TTC6: variants seen among roughly 807,000 people sequenced by gnomAD.
TTC6 encodes the protein tetratricopeptide repeat domain 6.
Under a neutral mutation model 210.4 loss-of-function variants are expected in TTC6, and 172 were observed. The observed-to-expected ratio is 0.82, with a 90% CI of 0.72 to 0.93. The LOEUF (loss-of-function observed/expected upper bound fraction) is 0.93. Ranked by LOEUF, TTC6 falls within the 40% of genes least tolerant of loss-of-function variation. The pLI, the probability that TTC6 is intolerant of heterozygous loss-of-function variation, is 0.00. For synonymous variants in TTC6, 804 were observed against 819.6 expected (o/e 0.98, Z 0.32); for missense variants, 2,414 against 2,318.1 (o/e 1.04, Z -0.85).
intron 14 of TTC6, among the ~76,000 whole-genome samples, chr14:37,774,289 G>C (rs1292904036): frequency 6.6e-6 from 1 of 151,872 alleles, no homozygotes; most frequent in African/African-American, 2.4e-5. Context: ...AGGACTTCCA[G>C]TACTATGGTC....
At chr14:37,734,435 A>G (rs543061617) in intron 7 of TTC6, among the ~76,000 whole-genome samples, 8 of 152,338 alleles carry the variant, frequency 5.3e-5, no homozygotes, top group East Asian at 1.9e-4. Context: ...AGAACAAAGC[A>G]TCTTTGAATA....
chr14:37,807,393 C>T (rs1276546479), exon 23 of TTC6: 4 of 1,530,134 alleles, frequency 2.6e-6, no homozygotes, highest in African/African-American at 1.4e-5. Context: ...TGTAACAAGG[C>T]TATTAAAATT....
Position 37,826,194 on chromosome 14 carries a change from G to T in TTC6, c.4975-1G>T. 1 of 1,573,786 alleles carries T rather than the reference G, an allele frequency of 6.4e-7. No individual in the cohort carries two copies. Among genetic ancestry groups the T allele is most frequent in the Non-Finnish European group, 8.6e-7 (1 of 1,156,086 alleles). Reference sequence around the variant, plus strand: ...TTCGTGTAATTGGAAAATTATTTTAGGCCCAAGGAAAATTCCAGAAAGCTT... The same window carrying T: ...TTCGTGTAATTGGAAAATTATTTTATGCCCAAGGAAAATTCCAGAAAGCTT... On this transcript the variant is annotated splice_acceptor_variant, in intron 27 of 30. Coordinates refer to ENST00000553443, the Ensembl canonical transcript of TTC6. LOFTEE classifies it high-confidence loss of function.
chr14:37,738,433 C>T (rs1011900631), intron 9 of TTC6, among the ~76,000 whole-genome samples: 1 of 148,588 alleles, frequency 6.7e-6, no homozygotes, highest in African/African-American at 2.5e-5. Context: ...AGTTTTTTTG[C>T]ATTAAATATA....
intron 2 of TTC6, among the ~76,000 whole-genome samples, chr14:37,614,362 G>A (rs1595010891): frequency 6.6e-6 from 1 of 152,106 alleles, no homozygotes; most frequent in African/African-American, 2.4e-5. Flanking sequence ...CAACCATATA[G>A]TTCCTTTACC....
At chr14:37,667,362 G>A (rs934356562) in intron 1 of TTC6, among the ~76,000 whole-genome samples, 2 of 150,514 alleles carry the variant, frequency 1.3e-5, no homozygotes, top group Non-Finnish European at 3.0e-5. Context: ...GGATGTGAAT[G>A]TCATTGGGGT....
At chr14:37,761,542 T>C (rs61977123) in intron 14 of TTC6, among the ~76,000 whole-genome samples, 41,660 of 151,878 alleles carry the variant, frequency 0.27, 5,893 homozygotes, top group Middle Eastern at 0.33. Flanking sequence ...TGACTTATCA[T>C]AGTGTCAATA....
intron 14 of TTC6, among the ~76,000 whole-genome samples, chr14:37,764,301 T>C (rs1184667125): frequency 6.6e-6 from 1 of 152,184 alleles, no homozygotes; most frequent in African/African-American, 2.4e-5. Flanking sequence ...TAGTTTATAC[T>C]ACTGTTCAAG....
chr14:37,676,646 G>A (rs996172715), intron 1 of TTC6, among the ~76,000 whole-genome samples: 4 of 151,996 alleles, frequency 2.6e-5, no homozygotes, highest in African/African-American at 7.2e-5. Context: ...CAAATCCAAG[G>A]TCATGAAGAT....
intron 14 of TTC6, among the ~76,000 whole-genome samples, chr14:37,763,623 A>G (rs7145526): frequency 0.84 from 127,976 of 152,068 alleles, 54,353 homozygotes; most frequent in Non-Finnish European, 0.9. Context: ...ACATAATACT[A>G]CTTTTTATTT....
intron 1 of TTC6, among the ~76,000 whole-genome samples, chr14:37,633,476 G>A (rs2095674089): frequency 6.6e-6 from 1 of 152,112 alleles, no homozygotes; most frequent in Non-Finnish European, 1.5e-5. Flanking sequence ...CAGTCCCATT[G>A]TGATGAGCTG....
intron 3 of TTC6, among the ~76,000 whole-genome samples, chr14:37,690,565 G>C (rs975390314): frequency 1.3e-5 from 2 of 152,088 alleles, no homozygotes; most frequent in Admixed American, 1.3e-4. Flanking sequence ...AACCAGAAAA[G>C]AGCAGGAATC....
At position 37,740,037 on chromosome 14, in the gene TTC6, A is replaced by C. The variant is rs540061258; in HGVS notation, c.2363+882A>C. On this transcript the variant is annotated intron_variant, in intron 10 of 30. Coordinates refer to ENST00000553443, the Ensembl canonical transcript of TTC6. ...AAATTACCCAGGCGTGATGGTGGGC[A>C]CCTGTAGTCCCAGCTGTTCGGGAGG... Among the ~76,000 whole-genome samples, 3 of 151,642 alleles carry C rather than the reference A, an allele frequency of 2.0e-5. No homozygotes were observed. The East Asian group carries it at 5.9e-4, about 30-fold the overall frequency.
chr14:37,635,687 T>G (rs1305402787), intron 1 of TTC6, among the ~76,000 whole-genome samples: 2 of 152,052 alleles, frequency 1.3e-5, no homozygotes, highest in Non-Finnish European at 2.9e-5. Context: ...CAAAGAAAAT[T>G]ACCAGAGATG....
chr14:37,710,144 G>A (rs1419919123), intron 5 of TTC6, among the ~76,000 whole-genome samples: 2 of 152,124 alleles, frequency 1.3e-5, no homozygotes, highest in Non-Finnish European at 2.9e-5. Context: ...GTGACTGTGA[G>A]CAACATCCTG....
chr14:37,822,215 T>G (rs2096159554), intron 26 of TTC6, among the ~76,000 whole-genome samples: 1 of 152,234 alleles, frequency 6.6e-6, no homozygotes, highest in East Asian at 1.9e-4. Flanking sequence ...TTTTTCAACT[T>G]ATGGTATTTA....
exon 10 of TTC6, chr14:37,738,966 T>C (rs1161690169): frequency 6.5e-7 from 1 of 1,535,450 alleles, no homozygotes; most frequent in South Asian, 1.2e-5. Flanking sequence ...GATGACATCT[T>C]TGATAACATG....
rs951428491 is a variant in TTC6 at position 37,803,431 on chromosome 14, T to C, written c.4030-1249T>C. Among the ~76,000 whole-genome samples the C allele has an allele frequency of 4.6e-5, 7 of 152,290 alleles. 1 individual carries two copies. Among genetic ancestry groups the C allele is most frequent in the Admixed American group, 4.6e-4 (7 of 15,300 alleles). On this transcript the variant is annotated intron_variant, in intron 20 of 30. Transcript: ENST00000553443. ...CTTTCTGCAGACTATAAAGATGACT[T>C]ATCTGTAAGCCCCTGCAGATGTCCC...
intron 1 of TTC6, among the ~76,000 whole-genome samples, chr14:37,649,857 G>C: frequency 6.6e-6 from 1 of 152,144 alleles, no homozygotes; most frequent in East Asian, 1.9e-4. Flanking sequence ...TATTACTCCT[G>C]TATTCTTTGA....
Sources: gnomAD v4.1 joint callset for allele counts (sites outside exome capture counted in the v4.1 genomes callset) on GRCh38, gnomAD v4.1.1 for gene constraint, MANE v1.5 for transcripts, NCBI Gene and HGNC (gene_info 2026-07-23, HGNC 2026-07-21) for gene names.